Variants in TNKS observed in about 807,000 individuals in gnomAD.
TNKS encodes tankyrase.
A neutral mutation model predicts 135.8 loss-of-function variants in TNKS; 72 were observed. The ratio of observed to expected loss-of-function variants is 0.53; its 90% CI spans 0.44 to 0.64. TNKS has a LOEUF of 0.64. Among genes scored for constraint, TNKS ranks in the 30% least tolerant of loss-of-function variants. TNKS has a pLI of 0.00. For synonymous variants in TNKS, 849 were observed against 649.3 expected (o/e 1.31, Z -4.68); for missense variants, 1,769 against 1,674.0 (o/e 1.06, Z -0.99).
intron 1 of TNKS, among the ~76,000 whole-genome samples, chr8:9,577,289 T>G (rs1797986176): frequency 6.6e-6 from 1 of 152,162 alleles, no homozygotes; most frequent in Non-Finnish European, 1.5e-5. Context: ...ATAGGACAAA[T>G]GTACAAGGAA....
chr8:9,771,035 C>T (rs1286618101), intron 26 of TNKS, among the ~76,000 whole-genome samples: 3 of 152,062 alleles, frequency 2.0e-5, no homozygotes, highest in Non-Finnish European at 4.4e-5. Context: ...ACTATGATCT[C>T]ATGGTTTCTA....
intron 1 of TNKS, among the ~76,000 whole-genome samples, chr8:9,569,979 C>G (rs1278283544): frequency 5.9e-5 from 9 of 152,164 alleles, no homozygotes; most frequent in African/African-American, 1.7e-4. Flanking sequence ...TCTATTGCTT[C>G]TCCTATTCTG....
intron 2 of TNKS, among the ~76,000 whole-genome samples, chr8:9,614,401 T>A (rs528284951): frequency 6.6e-6 from 1 of 152,346 alleles, no homozygotes; most frequent in East Asian, 1.9e-4. Flanking sequence ...CCCCAAAATG[T>A]AATGTATGAG....
chr8:9,732,756 G>A (rs556774573), intron 14 of TNKS, among the ~76,000 whole-genome samples: 1 of 152,220 alleles, frequency 6.6e-6, no homozygotes, highest in East Asian at 1.9e-4. Flanking sequence ...TCTCATCTGA[G>A]TAGAACTTAT....
intron 2 of TNKS, among the ~76,000 whole-genome samples, chr8:9,603,495 A>G (rs1799100077): frequency 6.6e-6 from 1 of 152,230 alleles, no homozygotes; most frequent in South Asian, 2.1e-4. Context: ...GTTACTAACC[A>G]TTTTATTGCT....
chr8:9,591,224 A>C (rs1185658580), intron 2 of TNKS, among the ~76,000 whole-genome samples: 1 of 152,106 alleles, frequency 6.6e-6, no homozygotes, highest in Admixed American at 6.5e-5. Flanking sequence ...TAGTTAATAG[A>C]GTTGTCTTTT....
intron 5 of TNKS, among the ~76,000 whole-genome samples, chr8:9,703,861 T>C (rs985915241): frequency 2.0e-5 from 3 of 152,186 alleles, no homozygotes; most frequent in Non-Finnish European, 2.9e-5. Flanking sequence ...TGCAGAGAAG[T>C]TTTTAATTAA....
chr8:9,627,559 G>GCTTGCTTC (rs1420863449), intron 3 of TNKS, among the ~76,000 whole-genome samples: 2 of 151,734 alleles, frequency 1.3e-5, no homozygotes, highest in Non-Finnish European at 2.9e-5. Context: ...TTGCTTGCTT[G>GCTTGCTTC]CTTGCTTGCT....
intron 2 of TNKS, among the ~76,000 whole-genome samples, chr8:9,592,701 G>A (rs1798631512): frequency 6.6e-6 from 1 of 152,144 alleles, no homozygotes; most frequent in Non-Finnish European, 1.5e-5. Context: ...AGAAACGTGT[G>A]TGAAGTGACA....
chr8:9,659,867 C>T lies in TNKS; in HGVS notation c.995-20084C>T, dbSNP rs181691296. On this transcript the variant is annotated intron_variant, in intron 3 of 26. Coordinates refer to ENST00000310430, the MANE Select transcript of TNKS (RefSeq NM_003747.3). ...AGACTAATAAAGAAGAAAAGAGAGA[C>T]GAATCAAATAGACGCAATAAAAAAT... Among the ~76,000 whole-genome samples, 470 of 151,948 alleles carry T rather than the reference C, an allele frequency of 3.1e-3. 2 individuals carry two copies. Among genetic ancestry groups the T allele is most frequent in the Middle Eastern group, 0.01 (3 of 294 alleles).
rs1318816068 is a variant in TNKS at position 9,780,438 on chromosome 8, G to C, written c.*3702G>C. 1 of 152,178 alleles carries C rather than the reference G, an allele frequency of 6.6e-6. No individual in the cohort carries two copies. Among genetic ancestry groups the C allele is most frequent in the Admixed American group, 6.5e-5 (1 of 15,278 alleles). The allele number at this position is 152,178 out of a possible 1,614,324, so 9.4% of individuals were successfully genotyped here. A position where few individuals can be genotyped will look rare whatever the true frequency, so the allele number is the denominator to read the frequency against. ...TAAGATAGGATTTCATGTCAGATACGTATTTAAAGAGTAAAGTCAAATTTG... is the reference window on the plus strand; with the variant it reads ...TAAGATAGGATTTCATGTCAGATACCTATTTAAAGAGTAAAGTCAAATTTG... On this transcript the variant is annotated 3_prime_UTR_variant, in exon 27 of 27. Coordinates refer to ENST00000310430, the MANE Select transcript of TNKS (RefSeq NM_003747.3).
intron 5 of TNKS, among the ~76,000 whole-genome samples, chr8:9,696,872 C>T (rs756988446): frequency 6.6e-6 from 1 of 152,172 alleles, no homozygotes; most frequent in East Asian, 1.9e-4. Context: ...AGTGGCCATA[C>T]TGCCCAAAGC....
intron 3 of TNKS, among the ~76,000 whole-genome samples, chr8:9,649,575 C>T (rs760997062): frequency 5.3e-5 from 8 of 152,180 alleles, no homozygotes; most frequent in East Asian, 1.9e-4. Context: ...ACCTGTTACC[C>T]GAGCAGTGTA....
chr8:9,647,000 G>A (rs1408347348), intron 3 of TNKS, among the ~76,000 whole-genome samples: 1 of 152,114 alleles, frequency 6.6e-6, no homozygotes, highest in Non-Finnish European at 1.5e-5. Context: ...AGCAAAGATG[G>A]CTAAACTAAA....
At chr8:9,580,422 G>T (rs1457346672) in intron 2 of TNKS, 39 bp downstream of exon 2, 1 of 1,577,124 alleles carries the variant, frequency 6.3e-7, no homozygotes, top group Non-Finnish European at 8.7e-7. Context: ...TTAAATAAAG[G>T]TTTATTCTTA....
chr8:9,580,397 G>A lies in TNKS; in HGVS notation c.898+14G>A. ...ATGTGTGCATTGGTAAGTATCATTT[G>A]ATGATATCTAAATTTTAAATAAAGG... On this transcript the variant is annotated intron_variant, in intron 2 of 26. Transcript: ENST00000310430. The A allele has an allele frequency of 1.2e-6, 2 of 1,603,432 alleles. No individual in the cohort carries two copies. The highest frequency in any genetic ancestry group is 1.7e-6 in the Non-Finnish European group (2 of 1,171,668).
chr8:9,652,038 A>G (rs1023885426), intron 3 of TNKS, among the ~76,000 whole-genome samples: 1 of 152,230 alleles, frequency 6.6e-6, no homozygotes, highest in South Asian at 2.1e-4. Context: ...GAAGTTTAAA[A>G]TTAATGAAAA....
intron 14 of TNKS, among the ~76,000 whole-genome samples, chr8:9,732,583 A>C (rs1805499359): frequency 6.6e-6 from 1 of 151,974 alleles, no homozygotes; most frequent in South Asian, 2.1e-4. Flanking sequence ...CAAAACTAAA[A>C]AAAAAAAAAA....
intron 3 of TNKS, among the ~76,000 whole-genome samples, chr8:9,675,468 G>A (rs1428744499): frequency 1.3e-5 from 2 of 152,122 alleles, no homozygotes; most frequent in African/African-American, 4.8e-5. Context: ...CAGAAATTAA[G>A]GTATGCTATG....
Sources: allele counts gnomAD v4.1 joint callset (sites outside exome capture counted in the v4.1 genomes callset), GRCh38; gene constraint gnomAD v4.1.1; transcripts MANE v1.5; gene names NCBI Gene and HGNC (gene_info 2026-07-23, HGNC 2026-07-21).